The following LOXHD1 variants were observed in gnomAD, a reference collection of about 807,000 sequenced individuals.
LOXHD1 encodes the protein lipoxygenase homology domain-containing protein 1.
Under a neutral mutation model 248.2 loss-of-function variants are expected in LOXHD1, and 205 were observed. The observed-to-expected ratio is 0.83, with a 90% CI of 0.74 to 0.93. The LOEUF (loss-of-function observed/expected upper bound fraction) is 0.93. Among genes scored for constraint, LOXHD1 ranks in the 40% least tolerant of loss-of-function variants. LOXHD1 has a pLI of 0.00. For synonymous variants in LOXHD1, 1,113 were observed against 1,162.8 expected, an observed-to-expected ratio of 0.96 and a Z score of 0.87; for missense variants, 2,930 against 2,971.6, an observed-to-expected ratio of 0.99 and a Z score of 0.33.
In LOXHD1 at chr18:46,533,285, C is replaced by T. The variant is rs775953502; in HGVS notation, c.4252G>A (p.Ala1418Thr). 1.9e-6 allele frequency: 3 copies of T among 1,551,666 alleles called. No individual in the cohort carries two copies. The highest frequency in any genetic ancestry group is 1.4e-5 in the African/African-American group (1 of 73,034). The change falls in exon 28 of 41, where the codon GCC becomes ACC. Residue 1418 changes from alanine (A) to threonine (T), a missense_variant. Coordinates refer to ENST00000642948, the MANE Select transcript of LOXHD1 (RefSeq NM_001384474.1). ...TLTFPCDRWL[A>T]TSEDDKKTIR... is the part of the protein sequence containing the mutation. ...GTCTTTTTGTCATCCTCAGAGGTGGCAAGCCACCGATCGCATGGGAAAGTC... is the reference window on the plus strand; with the variant it reads ...GTCTTTTTGTCATCCTCAGAGGTGGTAAGCCACCGATCGCATGGGAAAGTC...
In LOXHD1 at chr18:46,525,717, A is replaced by G. The variant is rs1358894191; in HGVS notation, c.4531-800T>C. On this transcript the variant is annotated intron_variant, in intron 29 of 40. Transcript: ENST00000642948. ...AGGATGGGAGCCTGAGGAGGGTGAG[A>G]GGGGACAGGTGACACTGAGGGACAC... Among the ~76,000 whole-genome samples, 6 of 152,004 alleles carry G rather than the reference A, an allele frequency of 3.9e-5. No individual in the cohort carries two copies. The East Asian group carries it at 1.2e-3, about 29-fold the overall frequency.
chr18:46,542,260 G>C (rs763502988), intron 24 of LOXHD1, among the ~76,000 whole-genome samples: 1 of 152,136 alleles, frequency 6.6e-6, no homozygotes, highest in Non-Finnish European at 1.5e-5. Flanking sequence ...CCTTGAAGAA[G>C]GGGCTTCAAA....
chr18:46,646,257 A>G (rs941473337), intron 2 of LOXHD1, among the ~76,000 whole-genome samples: 11 of 152,198 alleles, frequency 7.2e-5, no homozygotes, highest in African/African-American at 2.7e-4. Flanking sequence ...GGGGTGGGGC[A>G]GCCGATGGCC....
intron 33 of LOXHD1, chr18:46,520,177 G>T: frequency 2.2e-6 from 1 of 460,262 alleles, no homozygotes. Context: ...TCTCTAGCAG[G>T]CGAGAGGCAG....
intron 37 of LOXHD1, among the ~76,000 whole-genome samples, chr18:46,498,637 T>G (rs960052287): frequency 1.3e-5 from 2 of 152,126 alleles, no homozygotes; most frequent in African/African-American, 4.8e-5. Context: ...AATCTCTACC[T>G]CCATCTTCAC....
intron 34 of LOXHD1, among the ~76,000 whole-genome samples, chr18:46,511,341 T>C (rs562529093): frequency 2.0e-4 from 31 of 152,286 alleles, no homozygotes; most frequent in Admixed American, 1.2e-3. Flanking sequence ...CAGCCTTTGA[T>C]CCAGGCCTTC....
chr18:46,561,941 G>A (rs1568186896), intron 18 of LOXHD1, among the ~76,000 whole-genome samples: 1 of 152,280 alleles, frequency 6.6e-6, no homozygotes, highest in East Asian at 1.9e-4. Flanking sequence ...CTGCCCAGCC[G>A]TGCCTTCATC....
intron 8 of LOXHD1, among the ~76,000 whole-genome samples, chr18:46,595,603 T>A (rs1302889815): frequency 1.3e-5 from 2 of 152,204 alleles, no homozygotes; most frequent in Non-Finnish European, 2.9e-5. Context: ...TTTCTACTCA[T>A]CAGGAAGAAC....
At chr18:46,585,107 A>T (rs2038035008) in intron 12 of LOXHD1, among the ~76,000 whole-genome samples, 1 of 152,188 alleles carries the variant, frequency 6.6e-6, no homozygotes, top group African/African-American at 2.4e-5. Context: ...CACAGCTAAC[A>T]TCATAGTTAA....
chr18:46,567,958 C>T (rs1026083859), intron 16 of LOXHD1, among the ~76,000 whole-genome samples: 8 of 152,184 alleles, frequency 5.3e-5, no homozygotes, highest in East Asian at 3.9e-4. Flanking sequence ...CTAACTTACC[C>T]GCCAGCTGCT....
intron 17 of LOXHD1, among the ~76,000 whole-genome samples, chr18:46,564,633 G>T (rs2037601097): frequency 6.9e-6 from 1 of 144,184 alleles, no homozygotes; most frequent in Non-Finnish European, 1.5e-5. Context: ...TGAAGAAGGG[G>T]GGTTGGGGTA....
chr18:46,526,499 A>G (rs1191907778), intron 29 of LOXHD1, among the ~76,000 whole-genome samples: 1 of 152,256 alleles, frequency 6.6e-6, no homozygotes, highest in Non-Finnish European at 1.5e-5. Flanking sequence ...GTGCATGTAC[A>G]TGTAAGCACA....
At chr18:46,557,818 A>C in intron 20 of LOXHD1, 1 of 1,290,172 alleles carries the variant, frequency 7.8e-7, no homozygotes, top group Non-Finnish European at 1.0e-6. Flanking sequence ...TTTTGTGTGC[A>C]AGAGAGGGGG....
In LOXHD1 at chr18:46,547,050, A is replaced by C; in HGVS notation, c.3359T>G (p.Phe1120Cys). The C allele has an allele frequency of 2.6e-6, 4 of 1,551,732 alleles. No homozygotes were observed. Among genetic ancestry groups the C allele is most frequent in the Non-Finnish European group, 3.5e-6 (4 of 1,146,998 alleles). The change falls in exon 22 of 41, where the codon TTT (phenylalanine) becomes TGT (cysteine). Residue 1120 changes from phenylalanine to cysteine, a missense_variant. Coordinates refer to ENST00000642948, the MANE Select transcript of LOXHD1 (RefSeq NM_001384474.1). ...TDMNNEITYY[F>C]PCQRWLAVEE... ...CACTGCCAGCCAACGTTGGCATGGA[A>C]AGTAGTACCTGTGGGGGTGGATAGG... is the stretch of plus-strand genomic sequence containing the variant.
chr18:46,544,825 G>T (rs938389715), intron 23 of LOXHD1: 2 of 471,386 alleles, frequency 4.2e-6, no homozygotes, highest in African/African-American at 2.0e-5. Flanking sequence ...AATAATGCTT[G>T]GCACTAGGCT....
intron 4 of LOXHD1, among the ~76,000 whole-genome samples, chr18:46,624,705 G>A (rs1218651846): frequency 1.3e-5 from 2 of 152,094 alleles, no homozygotes; most frequent in Non-Finnish European, 2.9e-5. Context: ...CATGGCCTCT[G>A]CGAGATGCTC....
intron 38 of LOXHD1, among the ~76,000 whole-genome samples, chr18:46,487,477 T>C (rs1329752318): frequency 6.6e-6 from 1 of 152,184 alleles, no homozygotes; most frequent in African/African-American, 2.4e-5. Flanking sequence ...GGAGCATAGT[T>C]GGGCTTCTAG....
intron 6 of LOXHD1, among the ~76,000 whole-genome samples, chr18:46,610,411 G>T (rs1438033069): frequency 7.8e-4 from 114 of 145,954 alleles, no homozygotes; most frequent in South Asian, 1.1e-3. Flanking sequence ...GGGCTGGGGG[G>T]CTGGGGGAGG....
chr18:46,608,455 C>G (rs1257490341), intron 6 of LOXHD1, among the ~76,000 whole-genome samples: 2 of 152,090 alleles, frequency 1.3e-5, no homozygotes, highest in East Asian at 3.9e-4. Context: ...AACTGTTCAC[C>G]CTTTAAAGCT....
Sources: gnomAD v4.1 joint callset for allele counts (sites outside exome capture counted in the v4.1 genomes callset) on GRCh38, gnomAD v4.1.1 for gene constraint, MANE v1.5 for transcripts, NCBI Gene and HGNC (gene_info 2026-07-23, HGNC 2026-07-21) for gene names.